Variants in ZNF324B observed in about 807,000 individuals in gnomAD.
The protein encoded by ZNF324B is zinc finger protein 324B.
In ZNF324B, 7 loss-of-function variants were observed where a neutral mutation model predicts 10.6. The observed-to-expected ratio is 0.66, with a 90% CI of 0.38 to 1.24. The LOEUF (loss-of-function observed/expected upper bound fraction) is 1.24. ZNF324B is among the 50% of genes most tolerant of loss of function. ZNF324B has a pLI of 0.02. For synonymous variants in ZNF324B, 316 were observed against 321.0 expected (o/e 0.98, Z 0.17); for missense variants, 640 against 764.7 (o/e 0.84, Z 1.92).
chr19:58,420,655 A>G, the ZNF324B span, among the ~76,000 whole-genome samples: 1 of 151,268 alleles, frequency 6.6e-6, no homozygotes, highest in Non-Finnish European at 1.5e-5. Flanking sequence ...CCAGCCTCAG[A>G]CTCCCAATGT....
the ZNF324B span, chr19:58,434,200 CT>C: frequency 3.1e-6 from 5 of 1,614,084 alleles, no homozygotes; most frequent in Non-Finnish European, 4.2e-6. Flanking sequence ...GAGAGCAGAG[CT>C]TCGGCTGAAG....
the ZNF324B span, among the ~76,000 whole-genome samples, chr19:58,425,652 A>G: frequency 6.0e-5 from 9 of 151,222 alleles, no homozygotes; most frequent in Admixed American, 5.9e-4. Flanking sequence ...TGTATTTTTA[A>G]TAGAAACGCC....
At chr19:58,439,096 C>CT in the ZNF324B span, among the ~76,000 whole-genome samples, 3 of 152,198 alleles carry the variant, frequency 2.0e-5, no homozygotes, top group African/African-American at 7.2e-5. Flanking sequence ...TAACATTTCA[C>CT]TTTCTTTCAC....
At chr19:58,451,495 G>A, upstream of ZNF324B, 1 of 401,904 alleles carries the variant, frequency 2.5e-6, no homozygotes, top group Non-Finnish European at 4.9e-6. Context: ...CATGGAGACT[G>A]GTAATGGCCC....
At chr19:58,436,959 T>G in the ZNF324B span, 1 of 1,578,732 alleles carries the variant, frequency 6.3e-7, no homozygotes, top group Non-Finnish European at 8.7e-7. Flanking sequence ...GCAGTACCCA[T>G]GATCTGGCTT....
At chr19:58,447,297 C>T (rs1170793849), upstream of ZNF324B, among the ~76,000 whole-genome samples, 1 of 152,196 alleles carries the variant, frequency 6.6e-6, no homozygotes, top group Non-Finnish European at 1.5e-5. Context: ...GGAGCTTAAC[C>T]AAAGGACCAC....
the ZNF324B span, among the ~76,000 whole-genome samples, chr19:58,432,137 G>A: frequency 5.3e-5 from 8 of 152,196 alleles, no homozygotes; most frequent in African/African-American, 1.9e-4. Flanking sequence ...AAGGCATGAA[G>A]TGTGTGTTAG....
chr19:58,434,581 T>A, the ZNF324B span: 1,740 of 1,614,110 alleles, frequency 1.1e-3, 14 homozygotes, highest in African/African-American at 0.021. Flanking sequence ...ATGGGGTATT[T>A]CCCCAGTGTG....
chr19:58,454,182 G>A (rs923480573), intron 2 of ZNF324B, 46 bp from the exon 3 acceptor site: 6 of 1,260,922 alleles, frequency 4.8e-6, no homozygotes, highest in Non-Finnish European at 7.0e-6. Context: ...TTGGGAGGTG[G>A]GTTGTCTTGA....
At chr19:58,433,449 A>C in the ZNF324B span, 1 of 1,585,010 alleles carries the variant, frequency 6.3e-7, no homozygotes, top group Non-Finnish European at 8.6e-7. Context: ...TAGATCTTTC[A>C]CTAAAGGCTT....
chr19:58,436,686 A>G, the ZNF324B span, among the ~76,000 whole-genome samples: 1 of 151,200 alleles, frequency 6.6e-6, no homozygotes, highest in Admixed American at 6.6e-5. Context: ...AAAAAAAAAA[A>G]AAAAAAGGAA....
chr19:58,455,200 G>C lies in ZNF324B; in HGVS notation c.256G>C (p.Glu86Gln). 6.2e-7 allele frequency: 1 copy of C among 1,614,180 alleles called. No individual in the cohort carries two copies. Among genetic ancestry groups the C allele is most frequent in the Non-Finnish European group, 8.5e-7 (1 of 1,180,032 alleles). Residue 86 changes from glutamate to glutamine, a missense_variant, in exon 4 of 4, where the codon GAG becomes CAG. By Grantham distance (29) the Glu-to-Gln change is conservative. Around this residue, in one of 3 missense-constraint regions of ZNF324B, gnomAD observed 345 missense variants for 387.9 expected, o/e 0.89. Transcript: ENST00000336614. This position sits in a 1 kb window ranked among gnomAD's most constrained non-coding sequence, Gnocchi z 7.0. The stretch of plus-strand genomic sequence containing the variant: ...GCGTTTAGGTTCCTGGAGTTTGACA[G>C]AGGATAGAGATGTTTCTGGAGAATG... ...RLNSGSWSLT[E>Q]DRDVSGEWPR...
chr19:58,449,988 C>T (rs561734137), upstream of ZNF324B, among the ~76,000 whole-genome samples: 7 of 152,268 alleles, frequency 4.6e-5, no homozygotes, highest in South Asian at 6.2e-4. Flanking sequence ...CCAACCAAAT[C>T]TCATTTTGAA....
intron 1 of ZNF324B, chr19:58,453,194 G>A (rs1841586618): frequency 6.1e-6 from 1 of 163,596 alleles, no homozygotes. Flanking sequence ...CAGGTTCTTG[G>A]GGCTGCACCC....
At chr19:58,453,496 GAA>G (rs2052882225) in intron 1 of ZNF324B, among the ~76,000 whole-genome samples, 198 bp from the exon 2 acceptor site, 1 of 152,144 alleles carries the variant, frequency 6.6e-6, no homozygotes, top group Non-Finnish European at 1.5e-5. Context: ...GGGAAGTCAA[GAA>G]GCCATCTGGG....
chr19:58,427,452 C>CCTTT, the ZNF324B span, among the ~76,000 whole-genome samples: 17 of 47,062 alleles, frequency 3.6e-4, 1 homozygote, highest in African/African-American at 2.4e-3. Context: ...CCTTTCCTTT[C>CCTTT]CCTTCCTTCC....
At chr19:58,433,336 T>G in the ZNF324B span, 2 of 1,612,484 alleles carry the variant, frequency 1.2e-6, no homozygotes, top group African/African-American at 2.7e-5. Flanking sequence ...GGTATGAATC[T>G]TTTTATGCTG....
the ZNF324B span, chr19:58,437,295 A>G: frequency 6.9e-7 from 1 of 1,442,954 alleles, no homozygotes; most frequent in Non-Finnish European, 9.3e-7. Flanking sequence ...TACATCTACC[A>G]CTAATATCTC....
At position 58,455,167 on chromosome 19, in the gene ZNF324B, G is replaced by A. The variant is rs1039522922; in HGVS notation, c.239-16G>A. The A allele has an allele frequency of 3.1e-6, 5 of 1,613,912 alleles. No homozygotes were observed. Among genetic ancestry groups the A allele is most frequent in the Admixed American group, 1.7e-5 (1 of 60,020 alleles). On this transcript the variant is annotated splice_polypyrimidine_tract_variant and intron_variant, in intron 3 of 3. Coordinates refer to ENST00000336614, the MANE Select transcript of ZNF324B (RefSeq NM_207395.3). This position sits in a 1 kb window ranked among gnomAD's most constrained non-coding sequence, Gnocchi z 7.0. ...AACCAGGATGCCCCAGGCAACCACC[G>A]TTTCTCTGCGTTTAGGTTCCTGGAG...
Sources: gnomAD v4.1 joint callset for allele counts (sites outside exome capture counted in the v4.1 genomes callset) on GRCh38, gnomAD v4.1.1 for gene constraint, gnomAD v4.1.1 regional missense constraint, Gnocchi (gnomAD v3.1) non-coding constraint, MANE v1.5 for transcripts, NCBI Gene and HGNC (gene_info 2026-07-23, HGNC 2026-07-21) for gene names.